Variants in CRPPA observed in about 807,000 individuals in gnomAD.
CRPPA encodes D-ribitol-5-phosphate cytidylyltransferase.
In CRPPA, 43 loss-of-function variants were observed where a neutral mutation model predicts 52.0. The ratio of observed to expected loss-of-function variants is 0.83; its 90% confidence interval spans 0.65 to 1.07. CRPPA has a LOEUF of 1.07. Ranked by LOEUF, CRPPA falls within the 50% of genes least tolerant of loss-of-function variation. CRPPA has a pLI of 0.00. For synonymous variants in CRPPA, 250 were observed against 203.5 expected, an observed-to-expected ratio of 1.23 and a Z score of -1.94; for missense variants, 629 against 551.7, an observed-to-expected ratio of 1.14 and a Z score of -1.40.
chr7:16,262,413 CT>C (rs1277856884), intron 6 of CRPPA, among the ~76,000 whole-genome samples: 1 of 152,058 alleles, frequency 6.6e-6, no homozygotes, highest in African/African-American at 2.4e-5. Context: ...ATTTTGTTTC[CT>C]ATTCAATCAC....
intron 9 of CRPPA, among the ~76,000 whole-genome samples, chr7:16,096,951 C>A (rs1053678646): frequency 6.6e-6 from 1 of 152,090 alleles, no homozygotes; most frequent in Non-Finnish European, 1.5e-5. Flanking sequence ...AAAACCCCCA[C>A]AATGAACACA....
At chr7:16,172,321 G>A (rs182992152) in intron 9 of CRPPA, among the ~76,000 whole-genome samples, 1 of 152,138 alleles carries the variant, frequency 6.6e-6, no homozygotes. Flanking sequence ...GCTGGGGTGG[G>A]CTCCATCCTC....
chr7:16,097,049 G>C (rs1781947810), intron 9 of CRPPA, among the ~76,000 whole-genome samples: 1 of 152,058 alleles, frequency 6.6e-6, no homozygotes, highest in African/African-American at 2.4e-5. Context: ...TGTTGTCATA[G>C]AAAATCAATA....
At chr7:16,342,756 G>GACA (rs1785884236) in intron 3 of CRPPA, among the ~76,000 whole-genome samples, 1 of 91,478 alleles carries the variant, frequency 1.1e-5, no homozygotes, top group Non-Finnish European at 2.1e-5. Flanking sequence ...GATGAACCCT[G>GACA]TCTCCACAAA....
chr7:16,195,020 A>G (rs1781699409), intron 9 of CRPPA, among the ~76,000 whole-genome samples: 1 of 151,906 alleles, frequency 6.6e-6, no homozygotes, highest in Admixed American at 6.6e-5. Context: ...GCCTCATCCC[A>G]CCAAGAATCA....
chr7:16,236,571 T>C (rs544300884), intron 8 of CRPPA, among the ~76,000 whole-genome samples: 22 of 152,268 alleles, frequency 1.4e-4, no homozygotes, highest in South Asian at 6.2e-4. Context: ...ATACTTTCCA[T>C]ACAAGAACAG....
At chr7:16,104,094 G>A (rs1482783287) in intron 9 of CRPPA, among the ~76,000 whole-genome samples, 2 of 152,144 alleles carry the variant, frequency 1.3e-5, no homozygotes, top group Admixed American at 6.5e-5. Context: ...TTAATGGGTA[G>A]ATAGTTAGTA....
chr7:16,298,143 A>G (rs999936967), intron 5 of CRPPA, among the ~76,000 whole-genome samples: 1 of 152,208 alleles, frequency 6.6e-6, no homozygotes. Flanking sequence ...TGGAGGGGGT[A>G]AACTCAGGTG....
chr7:16,200,630 T>C (rs1781830424), intron 9 of CRPPA, among the ~76,000 whole-genome samples: 1 of 152,248 alleles, frequency 6.6e-6, no homozygotes, highest in African/African-American at 2.4e-5. Flanking sequence ...TTTTAATATT[T>C]TTTACAAGTC....
At chr7:16,351,875 A>G (rs1454314256) in intron 3 of CRPPA, among the ~76,000 whole-genome samples, 1 of 152,182 alleles carries the variant, frequency 6.6e-6, no homozygotes, top group East Asian at 1.9e-4. Flanking sequence ...AGAATCTAGA[A>G]CCAGAAATAC....
intron 9 of CRPPA, among the ~76,000 whole-genome samples, chr7:16,188,923 T>C (rs530949463): frequency 6.6e-6 from 1 of 152,208 alleles, no homozygotes; most frequent in African/African-American, 2.4e-5. Context: ...TTCCAAAATA[T>C]AAAACAGCCA....
At chr7:16,122,660 A>T (rs984450526) in intron 9 of CRPPA, among the ~76,000 whole-genome samples, 4 of 152,056 alleles carry the variant, frequency 2.6e-5, no homozygotes, top group Non-Finnish European at 5.9e-5. Flanking sequence ...AGGGACAAAA[A>T]TGAAGTAAAA....
chr7:16,155,419 C>A (rs1783159236), intron 9 of CRPPA, among the ~76,000 whole-genome samples: 1 of 152,072 alleles, frequency 6.6e-6, no homozygotes, highest in Admixed American at 6.6e-5. Flanking sequence ...GTCCACTTAC[C>A]CAAGGATGTT....
intron 5 of CRPPA, among the ~76,000 whole-genome samples, chr7:16,283,687 G>A (rs12539671): frequency 0.21 from 31,688 of 151,462 alleles, 3,784 homozygotes; most frequent in Non-Finnish European, 0.27. Flanking sequence ...AGGATGGTGA[G>A]TTTAGTGAGA....
At chr7:16,138,239 T>C (rs996237796) in intron 9 of CRPPA, among the ~76,000 whole-genome samples, 1 of 152,166 alleles carries the variant, frequency 6.6e-6, no homozygotes, top group African/African-American at 2.4e-5. Flanking sequence ...CCTACAATAA[T>C]AAAATTTCAG....
intron 8 of CRPPA, among the ~76,000 whole-genome samples, chr7:16,239,155 A>AAAAAAAAAAAC (rs1198801568): frequency 6.8e-6 from 1 of 147,496 alleles, no homozygotes; most frequent in African/African-American, 2.6e-5. Context: ...AAAAAAAAAA[A>AAAAAAAAAAAC]AAGCCATTTA....
chr7:16,204,263 G>T (rs1781919644), intron 9 of CRPPA, among the ~76,000 whole-genome samples: 1 of 152,102 alleles, frequency 6.6e-6, no homozygotes. Flanking sequence ...TTGAGGAAAG[G>T]TTAATCTGAA....
At chr7:16,105,573 A>G (rs576327418) in intron 9 of CRPPA, among the ~76,000 whole-genome samples, 2 of 152,282 alleles carry the variant, frequency 1.3e-5, no homozygotes, top group South Asian at 4.2e-4. Context: ...CAGAGGTCCT[A>G]GTGATCATGT....
At chr7:16,210,801 T>C (rs1167601236) in intron 9 of CRPPA, among the ~76,000 whole-genome samples, 1 of 151,904 alleles carries the variant, frequency 6.6e-6, no homozygotes, top group Non-Finnish European at 1.5e-5. Context: ...AGTTAGAGGA[T>C]GCTTCTCTTC....
Sources: gnomAD v4.1 joint callset for allele counts (sites outside exome capture counted in the v4.1 genomes callset) on GRCh38, gnomAD v4.1.1 for gene constraint, MANE v1.5 for transcripts, NCBI Gene and HGNC (gene_info 2026-07-23, HGNC 2026-07-21) for gene names.